RPAP2: variants seen among roughly 807,000 people sequenced by gnomAD.
RPAP2 encodes putative RNA polymerase II subunit B1 CTD phosphatase RPAP2.
In RPAP2, 52 loss-of-function variants were observed where a neutral mutation model predicts 73.1. That is an observed-to-expected ratio of 0.71 (90% CI 0.57 to 0.90). The LOEUF (loss-of-function observed/expected upper bound fraction) is 0.90. RPAP2 is among the 40% of genes least tolerant of loss of function. The probability of loss-of-function intolerance (pLI) is 0.00; values close to 1 mark genes in which losing one functional copy is unlikely to be tolerated. For synonymous variants in RPAP2, 225 were observed against 242.1 expected (o/e 0.93, Z 0.65); for missense variants, 598 against 701.8 (o/e 0.85, Z 1.67).
chr1:92,299,173 T>G, intron 1 of RPAP2, 27 bp downstream of exon 1: 1 of 1,410,732 alleles, frequency 7.1e-7, no homozygotes, highest in Admixed American at 2.5e-5. Flanking sequence ...CTTCCCACTT[T>G]TGGACCCTGA....
At position 92,320,616 on chromosome 1, in the gene RPAP2, T is replaced by C; in HGVS notation, c.506T>C (p.Leu169Pro). ...TATTACAGGCATCCTGATTTTCAACTGCTAAAGGAAGAACAAAGGTATGGT... is the reference window on the plus strand; with the variant it reads ...TATTACAGGCATCCTGATTTTCAACCGCTAAAGGAAGAACAAAGGTATGGT... The part of the protein sequence containing the change: ...REEERHPDFQ[L>P]LKEEQSGHSG... The change falls in exon 7 of 13, where the codon CTG (leucine) becomes CCG (proline). Residue 169 changes from leucine (L) to proline (P), a missense_variant. Transcript: ENST00000610020. The C allele has an allele frequency of 6.2e-7, 1 of 1,611,238 alleles. No homozygotes were observed. Among genetic ancestry groups the C allele is most frequent in the Non-Finnish European group, 8.5e-7 (1 of 1,177,682 alleles).
intron 11 of RPAP2, among the ~76,000 whole-genome samples, chr1:92,354,686 T>G (rs539320841): frequency 1.2e-4 from 19 of 152,050 alleles, no homozygotes; most frequent in Non-Finnish European, 1.8e-4. Context: ...TAATCAAAGT[T>G]TTTATCTCTG....
intron 11 of RPAP2, among the ~76,000 whole-genome samples, chr1:92,374,836 G>A (rs765984401): frequency 1.3e-4 from 19 of 151,942 alleles, no homozygotes; most frequent in Non-Finnish European, 2.8e-4. Context: ...AGGGAGTGAG[G>A]GATTAAAAAA....
rs1448787763 is a variant in RPAP2 at position 92,394,215 on chromosome 1, C to G, written c.*7204C>G. The G allele has an allele frequency of 1.3e-5, 2 of 152,132 alleles. No individual in the cohort carries two copies. The highest frequency in any genetic ancestry group is 4.8e-5 in the African/African-American group (2 of 41,420). The allele number at this position is 152,132 out of a possible 1,614,324, so 9.4% of individuals were successfully genotyped here. On this transcript the variant is annotated 3_prime_UTR_variant, in exon 13 of 13. Transcript: ENST00000610020. ...GCCGGAAACCATCATTCTCAGCAAA[C>G]TATCACAAGATCAGAAAACCAAACA...
At chr1:92,342,374 C>T (rs139774710) in intron 10 of RPAP2, among the ~76,000 whole-genome samples, 79 of 152,252 alleles carry the variant, frequency 5.2e-4, no homozygotes, top group African/African-American at 1.6e-3. Context: ...GCTAGAGAAA[C>T]GAGCAGAGGC....
chr1:92,380,635 C>T, intron 11 of RPAP2, 89 bp from the exon 12 acceptor site: 2 of 854,548 alleles, frequency 2.3e-6, no homozygotes, highest in African/African-American at 1.8e-5. Flanking sequence ...TTATTATTCT[C>T]ATAAAATTTT....
At chr1:92,346,503 G>T (rs1003279562) in intron 11 of RPAP2, among the ~76,000 whole-genome samples, 3 of 152,092 alleles carry the variant, frequency 2.0e-5, no homozygotes, top group Admixed American at 6.5e-5. Flanking sequence ...CTCATGTGGA[G>T]TATATACAGA....
rs1369450911 is a variant in RPAP2 at position 92,324,130 on chromosome 1, AAAG to A, written c.1216_1218del (p.Glu406del). ...TCTGAAACCCGAAGCCTCTCTGGTT[AAAG>A]AAGAACTTGATGAAGATGACATAAT... On this transcript the variant is annotated inframe_deletion, in exon 8 of 13. Transcript: ENST00000610020. The A allele has an allele frequency of 3.1e-6, 5 of 1,614,164 alleles. No homozygotes were observed. In the South Asian group the frequency reaches 3.3e-5, roughly 11 times the overall value.
At position 92,307,039 on chromosome 1, in the gene RPAP2, G is replaced by A. The variant is rs1651288804; in HGVS notation, c.400-149G>A. 6 of 591,462 alleles carry A rather than the reference G, an allele frequency of 1.0e-5. No individual in the cohort carries two copies. The Admixed American group carries it at 2.0e-4, about 20-fold the overall frequency. 36.6% of individuals were successfully genotyped at this position (591,462 alleles called of 1,614,324 possible). On this transcript the variant is annotated intron_variant, in intron 5 of 12. Transcript: ENST00000610020. Reference sequence around the variant, plus strand: ...GAAGGGGCACATAGAGGCCTTCAAAGGTTCAGTATCTTATTTCTTACCTTG... The same window carrying A: ...GAAGGGGCACATAGAGGCCTTCAAAAGTTCAGTATCTTATTTCTTACCTTG...
At chr1:92,338,579 A>C (rs116130010) in intron 10 of RPAP2, among the ~76,000 whole-genome samples, 1 of 152,132 alleles carries the variant, frequency 6.6e-6, no homozygotes, top group African/African-American at 2.4e-5. Flanking sequence ...CAGGGAGTGA[A>C]TATCATCATA....
intron 10 of RPAP2, among the ~76,000 whole-genome samples, chr1:92,340,886 A>G (rs1653556499): frequency 1.3e-5 from 2 of 152,196 alleles, no homozygotes; most frequent in South Asian, 2.1e-4. Flanking sequence ...TTGAATCAAG[A>G]TATTTTTCTA....
At chr1:92,381,056 T>A (rs558442108) in intron 12 of RPAP2, among the ~76,000 whole-genome samples, 183 bp downstream of exon 12, 1 of 152,248 alleles carries the variant, frequency 6.6e-6, no homozygotes, top group South Asian at 2.1e-4. Flanking sequence ...TCTACTTACT[T>A]TGTGCCCCAT....
intron 6 of RPAP2, among the ~76,000 whole-genome samples, chr1:92,318,096 T>C (rs1417037799): frequency 6.6e-6 from 1 of 152,234 alleles, no homozygotes; most frequent in Non-Finnish European, 1.5e-5. Context: ...TACTTTTGTT[T>C]TCTTGAGCTC....
chr1:92,341,658 T>C (rs902495612), intron 10 of RPAP2, among the ~76,000 whole-genome samples: 2 of 152,208 alleles, frequency 1.3e-5, no homozygotes, highest in East Asian at 3.9e-4. Flanking sequence ...AAGGAAATAC[T>C]TTTTTGAGTT....
At chr1:92,318,856 G>T (rs959059102) in intron 6 of RPAP2, among the ~76,000 whole-genome samples, 1 of 152,150 alleles carries the variant, frequency 6.6e-6, no homozygotes, top group African/African-American at 2.4e-5. Flanking sequence ...TTTCAGGAGA[G>T]AAATGAGTAC....
chr1:92,382,644 G>A (rs1655693682), intron 12 of RPAP2, among the ~76,000 whole-genome samples: 1 of 152,096 alleles, frequency 6.6e-6, no homozygotes, highest in Non-Finnish European at 1.5e-5. Context: ...AAATTTGTTT[G>A]AGTTCATTGT....
intron 6 of RPAP2, among the ~76,000 whole-genome samples, chr1:92,308,152 A>G (rs1309813080): frequency 2.0e-5 from 3 of 152,010 alleles, no homozygotes; most frequent in African/African-American, 7.2e-5. Context: ...TTCAAATAAC[A>G]TCAATTATGC....
intron 4 of RPAP2, 52 bp from the exon 5 acceptor site, chr1:92,304,232 G>A (rs530282612): frequency 1.7e-5 from 21 of 1,256,872 alleles, no homozygotes; most frequent in South Asian, 6.3e-5. Context: ...GTAACATAAC[G>A]TTCATGTTTA....
At chr1:92,320,513 C>A in intron 6 of RPAP2, 86 bp from the exon 7 acceptor site, 1 of 1,039,802 alleles carries the variant, frequency 9.6e-7, no homozygotes, top group Non-Finnish European at 1.5e-6. Context: ...CCTCGAGATC[C>A]GCCTGCCCAG....
Sources: gnomAD v4.1 joint callset for allele counts (sites outside exome capture counted in the v4.1 genomes callset) on GRCh38, gnomAD v4.1.1 for gene constraint, MANE v1.5 for transcripts, NCBI Gene and HGNC (gene_info 2026-07-23, HGNC 2026-07-21) for gene names.